AUTS2: variants seen among roughly 807,000 people sequenced by gnomAD.
AUTS2 encodes activator of transcription and developmental regulator AUTS2, also known as autism susceptibility gene 2 protein.
Under a neutral mutation model 112.4 loss-of-function variants are expected in AUTS2, and 17 were observed. That is an observed-to-expected ratio of 0.15 (90% confidence interval 0.10 to 0.23). The LOEUF is 0.23. Ranked by LOEUF, AUTS2 falls within the 10% of genes least tolerant of loss-of-function variation. The pLI, the probability that AUTS2 is intolerant of heterozygous loss-of-function variation, is 1.00. For missense variants in AUTS2, 1,510 were observed against 1,701.6 expected (o/e 0.89, Z 1.98); for synonymous variants, 751 against 702.7 (o/e 1.07, Z -1.09).
intron 4 of AUTS2, among the ~76,000 whole-genome samples, chr7:70,238,108 G>T (rs187258325): frequency 1.3e-5 from 2 of 152,294 alleles, no homozygotes; most frequent in East Asian, 1.9e-4. Flanking sequence ...GCCCCATCTG[G>T]TAAGAGTGAT....
chr7:70,397,909 CTGAGTTCATTTTTGTATATGATG>C (rs897779741), intron 4 of AUTS2, among the ~76,000 whole-genome samples: 12 of 152,250 alleles, frequency 7.9e-5, no homozygotes, highest in South Asian at 4.2e-4. Flanking sequence ...TCTCCAATTT[CTGAGTTCATTTTTGTATATGATG>C]TGAGTTCATT....
chr7:70,021,261 C>T (rs1390172089), intron 2 of AUTS2, among the ~76,000 whole-genome samples: 2 of 152,210 alleles, frequency 1.3e-5, no homozygotes, highest in South Asian at 2.1e-4. Context: ...GGATTACAGG[C>T]GTGAGCCACC....
intron 5 of AUTS2, among the ~76,000 whole-genome samples, chr7:70,565,541 G>A (rs1043117261): frequency 1.3e-5 from 2 of 152,094 alleles, no homozygotes; most frequent in Non-Finnish European, 2.9e-5. Flanking sequence ...TTAGCCCAGT[G>A]TGGCAGTGCA....
intron 5 of AUTS2, among the ~76,000 whole-genome samples, chr7:70,698,116 T>A (rs1809229767): frequency 2.6e-5 from 4 of 152,212 alleles, no homozygotes; most frequent in Admixed American, 2.6e-4. Context: ...TCTGGCAGTG[T>A]TGGCTTACAC....
At chr7:70,107,384 G>A (rs55939378) in intron 2 of AUTS2, among the ~76,000 whole-genome samples, 11 of 119,196 alleles carry the variant, frequency 9.2e-5, no homozygotes, top group Non-Finnish European at 8.0e-5. Context: ...TAGCTCTTTC[G>A]CCAGGCTGGA....
intron 1 of AUTS2, among the ~76,000 whole-genome samples, chr7:69,759,708 A>G (rs2129283416): frequency 7.8e-6 from 1 of 128,394 alleles, no homozygotes; most frequent in African/African-American, 3.0e-5. Context: ...TGACTGTATT[A>G]TATAATATAG....
intron 4 of AUTS2, among the ~76,000 whole-genome samples, chr7:70,416,980 T>A (rs1411752596): frequency 1.3e-5 from 2 of 152,150 alleles, no homozygotes; most frequent in African/African-American, 2.4e-5. Flanking sequence ...CCTTGTGGCT[T>A]TTTAATAATG....
At chr7:69,709,752 C>G (rs1798232888) in intron 1 of AUTS2, among the ~76,000 whole-genome samples, 1 of 152,152 alleles carries the variant, frequency 6.6e-6, no homozygotes, top group South Asian at 2.1e-4. Flanking sequence ...TAAACCGGAA[C>G]TGTAACCTTT....
intron 1 of AUTS2, among the ~76,000 whole-genome samples, chr7:69,707,875 G>A (rs1798138961): frequency 1.3e-5 from 2 of 152,158 alleles, no homozygotes; most frequent in South Asian, 4.1e-4. Flanking sequence ...CTTAGAGAAA[G>A]CCCTTCTCCA....
chr7:70,720,096 CT>C (rs1446783202), intron 6 of AUTS2, among the ~76,000 whole-genome samples: 1 of 152,126 alleles, frequency 6.6e-6, no homozygotes, highest in Middle Eastern at 3.2e-3. Context: ...TCTTCCCCTA[CT>C]TTAAAAAGCC....
chr7:70,146,607 T>C (rs1187631406), intron 4 of AUTS2, among the ~76,000 whole-genome samples: 3 of 152,138 alleles, frequency 2.0e-5, no homozygotes, highest in Admixed American at 6.6e-5. Flanking sequence ...TTTGGTCCTA[T>C]AACATGATAA....
At chr7:70,704,821 A>G (rs867456312) in intron 6 of AUTS2, among the ~76,000 whole-genome samples, 2 of 152,316 alleles carry the variant, frequency 1.3e-5, no homozygotes, top group East Asian at 1.9e-4. Context: ...TTCTCTGAAT[A>G]TGTATGTTTA....
intron 5 of AUTS2, among the ~76,000 whole-genome samples, chr7:70,683,111 A>G (rs1252338588): frequency 6.6e-6 from 1 of 152,262 alleles, no homozygotes; most frequent in African/African-American, 2.4e-5. Context: ...TTTGGGAGCC[A>G]TATTTGGAGA....
intron 2 of AUTS2, among the ~76,000 whole-genome samples, chr7:69,979,689 G>A (rs1296779573): frequency 1.3e-5 from 2 of 152,190 alleles, no homozygotes; most frequent in Non-Finnish European, 2.9e-5. Flanking sequence ...AGTATGCAGT[G>A]CATCAAATGT....
intron 1 of AUTS2, among the ~76,000 whole-genome samples, chr7:69,885,599 C>T (rs544206394): frequency 6.5e-4 from 99 of 152,268 alleles, no homozygotes; most frequent in Middle Eastern, 3.4e-3. Flanking sequence ...TCTGTAATGA[C>T]GTGGTGTTAG....
At chr7:69,788,478 G>A (rs1053916035) in intron 1 of AUTS2, among the ~76,000 whole-genome samples, 7 of 152,140 alleles carry the variant, frequency 4.6e-5, no homozygotes, top group African/African-American at 1.7e-4. Flanking sequence ...AGTCTGGGCA[G>A]GCTTCAATCT....
At chr7:69,616,098 A>G (rs974578959) in intron 1 of AUTS2, among the ~76,000 whole-genome samples, 1 of 152,294 alleles carries the variant, frequency 6.6e-6, no homozygotes, top group East Asian at 1.9e-4. Context: ...ATAAGCCTCT[A>G]TCACAGTATT....
intron 1 of AUTS2, among the ~76,000 whole-genome samples, chr7:69,861,410 C>T (rs1042420080): frequency 6.6e-6 from 1 of 152,110 alleles, no homozygotes; most frequent in African/African-American, 2.4e-5. Flanking sequence ...ATAAAGCAGC[C>T]TGTCACTGTG....
chr7:70,418,099 G>C (rs1585122213), intron 4 of AUTS2, among the ~76,000 whole-genome samples: 1 of 148,084 alleles, frequency 6.8e-6, no homozygotes, highest in Non-Finnish European at 1.5e-5. Context: ...GTGTGTGTGT[G>C]TGTGTGTGTG....
Sources: gnomAD v4.1 joint callset for allele counts (sites outside exome capture counted in the v4.1 genomes callset) on GRCh38, gnomAD v4.1.1 for gene constraint, MANE v1.5 for transcripts, NCBI Gene and HGNC (gene_info 2026-07-23, HGNC 2026-07-21) for gene names.